ADGRA3: variants seen among roughly 807,000 people sequenced by gnomAD.
ADGRA3 encodes G-protein coupled receptor 125.
A neutral mutation model predicts 119.8 loss-of-function variants in ADGRA3; 56 were observed. The observed-to-expected ratio is 0.47, with a 90% CI of 0.38 to 0.58. ADGRA3 has a LOEUF of 0.58. ADGRA3 is among the 20% of genes least tolerant of loss of function. The pLI is 0.00. For missense variants in ADGRA3, 1,516 were observed against 1,649.0 expected, an observed-to-expected ratio of 0.92 and a Z score of 1.40; for synonymous variants, 607 against 623.8, an observed-to-expected ratio of 0.97 and a Z score of 0.40.
intron 2 of ADGRA3, among the ~76,000 whole-genome samples, chr4:22,469,559 A>T (rs1261125650): frequency 6.6e-6 from 1 of 152,160 alleles, no homozygotes; most frequent in Non-Finnish European, 1.5e-5. Flanking sequence ...CTCTAGCCCA[A>T]ACATACCACT....
intron 14 of ADGRA3, among the ~76,000 whole-genome samples, chr4:22,404,838 C>A (rs1714833931): frequency 6.6e-6 from 1 of 152,118 alleles, no homozygotes; most frequent in African/African-American, 2.4e-5. Flanking sequence ...ATAATGAAAA[C>A]CAGTTAGATG....
At chr4:22,436,732 A>G in intron 8 of ADGRA3, 91 bp from the exon 9 acceptor site, 1 of 1,108,524 alleles carries the variant, frequency 9.0e-7, no homozygotes, top group Non-Finnish European at 1.3e-6. Flanking sequence ...AAAGATGAAG[A>G]TGTGTCATGT....
intron 1 of ADGRA3, among the ~76,000 whole-genome samples, chr4:22,489,050 A>T (rs993530148): frequency 2.0e-5 from 3 of 152,162 alleles, no homozygotes; most frequent in African/African-American, 7.2e-5. Flanking sequence ...CATATTTGAG[A>T]CTGGGTAATT....
intron 1 of ADGRA3, among the ~76,000 whole-genome samples, chr4:22,495,921 AG>A (rs1202101039): frequency 3.3e-5 from 5 of 152,174 alleles, no homozygotes; most frequent in Non-Finnish European, 5.9e-5. Flanking sequence ...AAAAAAAAAA[AG>A]TATCAGAGTT....
intron 1 of ADGRA3, among the ~76,000 whole-genome samples, chr4:22,497,372 C>CT (rs1032175212): frequency 6.6e-6 from 1 of 152,070 alleles, no homozygotes; most frequent in African/African-American, 2.4e-5. Context: ...AAAAAAGTCT[C>CT]TGTTTCTGAC....
chr4:22,444,291 TA>T (rs936888769), intron 6 of ADGRA3, among the ~76,000 whole-genome samples: 20 of 152,122 alleles, frequency 1.3e-4, no homozygotes, highest in African/African-American at 4.8e-4. Flanking sequence ...CTGTATCAGT[TA>T]TTTTTTTTTT....
intron 16 of ADGRA3, among the ~76,000 whole-genome samples, chr4:22,395,745 G>C (rs752580934): frequency 2.0e-5 from 3 of 152,178 alleles, no homozygotes; most frequent in Non-Finnish European, 2.9e-5. Flanking sequence ...GTGACTTAGG[G>C]AAGTTATTTC....
intron 10 of ADGRA3, among the ~76,000 whole-genome samples, chr4:22,427,492 G>A (rs555812315): frequency 1.5e-4 from 23 of 151,960 alleles, no homozygotes; most frequent in Non-Finnish European, 2.6e-4. Flanking sequence ...TCTCTAAGAA[G>A]GTACAGGACG....
rs569805222 is a variant in ADGRA3, at chr4:22,515,571, G to C, written c.214C>G (p.Gln72Glu). 1.9e-5 allele frequency: 30 copies of C among 1,603,366 alleles called. No homozygotes were observed. The highest frequency in any genetic ancestry group is 1.8e-4 in the South Asian group (16 of 90,376). The change falls in exon 1 of 19, where the codon CAG (glutamine) becomes GAG (glutamate). Residue 72 changes from glutamine to glutamate, a missense_variant. Gln to Glu is a conservative substitution (Grantham distance 29). Around this residue, in one of 2 missense-constraint regions of ADGRA3, gnomAD observed 428 missense variants for 541.9 expected, o/e 0.79. Transcript: ENST00000334304. The part of the protein sequence containing the change: ...KVVCSSLELA[Q>E]VLPPDTLPNR... ...GGCAGAGTATCTGGGGGCAGGACCT[G>C]CGCGAGTTCCAGGCTGCTGCACACC...
intron 16 of ADGRA3, among the ~76,000 whole-genome samples, chr4:22,397,069 G>A (rs912032811): frequency 2.6e-5 from 4 of 151,990 alleles, no homozygotes; most frequent in Non-Finnish European, 5.9e-5. Context: ...TGCAGACAGA[G>A]GCTTCTTTTT....
intron 2 of ADGRA3, among the ~76,000 whole-genome samples, chr4:22,462,450 G>A (rs974431057): frequency 1.3e-5 from 2 of 152,002 alleles, no homozygotes; most frequent in African/African-American, 4.8e-5. Context: ...AGTAGAGAGG[G>A]TTACAGGCGC....
chr4:22,421,171 A>G (rs1411307841), intron 11 of ADGRA3, 82 bp from the exon 12 acceptor site: 1 of 1,159,642 alleles, frequency 8.6e-7, no homozygotes, highest in African/African-American at 1.5e-5. Context: ...CAAACACAAA[A>G]CACTATGCAT....
At chr4:22,449,104 C>G (rs1375432217) in intron 4 of ADGRA3, among the ~76,000 whole-genome samples, 1 of 151,842 alleles carries the variant, frequency 6.6e-6, no homozygotes, top group Admixed American at 6.6e-5. Context: ...AACTCCGTCT[C>G]TACTAAAACT....
chr4:22,435,195 C>G (rs973449076), intron 10 of ADGRA3, 116 bp downstream of exon 10: 84 of 884,766 alleles, frequency 9.5e-5, no homozygotes, highest in Non-Finnish European at 1.4e-4. Context: ...AATTTAAAAG[C>G]ATGCTTTTAG....
rs71182944 is a variant in ADGRA3 at position 22,502,893 on chromosome 4, G to GA, written c.257+12634dup. 2.1e-3 allele frequency among the ~76,000 whole-genome samples: 255 copies of GA among 120,062 alleles called. 1 individual carries two copies. The highest frequency in any genetic ancestry group is 2.7e-3 in the Non-Finnish European group (161 of 59,466). 78.8% of individuals were successfully genotyped at this position (120,062 alleles called of 152,430 possible). On this transcript the variant is annotated intron_variant, in intron 1 of 18. Transcript: ENST00000334304. The stretch of plus-strand genomic sequence containing the variant: ...AGATTCTGACCAGTCCTACTTAAGG[G>GA]AAAAAAAAAAAAAAAAAAAACAGTA...
At chr4:22,477,338 T>C (rs1331422870) in intron 1 of ADGRA3, among the ~76,000 whole-genome samples, 1 of 152,210 alleles carries the variant, frequency 6.6e-6, no homozygotes, top group Non-Finnish European at 1.5e-5. Context: ...TTCACTTTTC[T>C]AGGTAGACTT....
intron 12 of ADGRA3, among the ~76,000 whole-genome samples, chr4:22,418,013 A>T (rs114420479): frequency 6.3e-4 from 96 of 152,354 alleles, no homozygotes; most frequent in African/African-American, 2.2e-3. Flanking sequence ...ATTACACCTG[A>T]ACTCAAAACA....
chr4:22,485,624 C>T (rs181929192), intron 1 of ADGRA3, among the ~76,000 whole-genome samples: 6 of 152,238 alleles, frequency 3.9e-5, no homozygotes, highest in East Asian at 3.9e-4. Context: ...GGGGCTAGAA[C>T]GCTCACTATT....
chr4:22,458,189 T>C (rs1257397196), intron 3 of ADGRA3, among the ~76,000 whole-genome samples: 1 of 152,170 alleles, frequency 6.6e-6, no homozygotes, highest in Non-Finnish European at 1.5e-5. Context: ...CCCTACACTT[T>C]TGCTTTCTAC....
Sources: allele counts gnomAD v4.1 joint callset (sites outside exome capture counted in the v4.1 genomes callset), GRCh38; gene constraint gnomAD v4.1.1; regional missense constraint gnomAD v4.1.1; transcripts MANE v1.5; gene names NCBI Gene and HGNC (gene_info 2026-07-23, HGNC 2026-07-21).